The following CUBN variants were observed in gnomAD, a reference collection of about 807,000 sequenced individuals.
CUBN encodes the protein cubilin.
Under a neutral mutation model 405.3 loss-of-function variants are expected in CUBN, and 282 were observed. That is an observed-to-expected ratio of 0.70 (90% confidence interval 0.63 to 0.77). The LOEUF is 0.77. CUBN is among the 30% of genes least tolerant of loss of function. The pLI, the probability that CUBN is intolerant of heterozygous loss-of-function variation, is 0.00. For missense variants in CUBN, 4,514 were observed against 4,475.2 expected (o/e 1.01, Z -0.25); for synonymous variants, 1,684 against 1,617.0 (o/e 1.04, Z -0.99).
intron 12 of CUBN, 38 bp from the exon 13 acceptor site, chr10:17,103,275 C>T: frequency 1.5e-6 from 2 of 1,323,868 alleles, no homozygotes; most frequent in Non-Finnish European, 2.2e-6. Flanking sequence ...TTCAGAGGTT[C>T]CTAAAAGGAA....
At chr10:17,061,093 C>A (rs1459593146) in intron 22 of CUBN, among the ~76,000 whole-genome samples, 3 of 151,928 alleles carry the variant, frequency 2.0e-5, no homozygotes, top group East Asian at 1.9e-4. Context: ...CAAAAAAAAC[C>A]CAAAAACAAA....
intron 62 of CUBN, among the ~76,000 whole-genome samples, chr10:16,837,970 T>C (rs1052615992): frequency 1.3e-5 from 2 of 152,150 alleles, no homozygotes; most frequent in African/African-American, 4.8e-5. Context: ...TTGTCTTAGC[T>C]TCGTGAAGCC....
At chr10:16,950,615 C>T (rs549615029) in intron 33 of CUBN, among the ~76,000 whole-genome samples, 1 of 152,328 alleles carries the variant, frequency 6.6e-6, no homozygotes, top group South Asian at 2.1e-4. Context: ...AAGGGGACAA[C>T]TTCTATCCTA....
chr10:16,969,393 T>C (rs1843490048), intron 31 of CUBN, among the ~76,000 whole-genome samples: 1 of 151,824 alleles, frequency 6.6e-6, no homozygotes, highest in African/African-American at 2.4e-5. Context: ...TCTTGCTCAG[T>C]TGCCAGGCTG....
At chr10:17,081,698 A>G (rs1455161150) in intron 17 of CUBN, among the ~76,000 whole-genome samples, 3 of 152,182 alleles carry the variant, frequency 2.0e-5, no homozygotes, top group African/African-American at 4.8e-5. Flanking sequence ...ATGGATAGAG[A>G]TGATTTAAAG....
intron 59 of CUBN, among the ~76,000 whole-genome samples, chr10:16,852,315 C>T (rs534157671): frequency 2.8e-4 from 39 of 138,172 alleles, no homozygotes; most frequent in Non-Finnish European, 3.7e-4. Flanking sequence ...CTCCATCTTT[C>T]CATCCCTCCC....
intron 28 of CUBN, among the ~76,000 whole-genome samples, chr10:17,012,460 T>C (rs1479961592): frequency 3.9e-5 from 6 of 152,214 alleles, no homozygotes; most frequent in Admixed American, 3.9e-4. Context: ...CTCAGCAGTT[T>C]TGGAGAGTCA....
chr10:17,088,071 A>G, intron 15 of CUBN, 93 bp downstream of exon 15: 1 of 895,126 alleles, frequency 1.1e-6, no homozygotes, highest in Non-Finnish European at 1.8e-6. Context: ...AACTACAGCT[A>G]ATATTTTGGG....
At chr10:16,940,351 T>C in intron 36 of CUBN, 114 bp from the exon 37 acceptor site, 1 of 1,004,768 alleles carries the variant, frequency 1.0e-6, no homozygotes, top group Non-Finnish European at 1.5e-6. Context: ...TCTTTAACTT[T>C]GATCACAACA....
intron 36 of CUBN, 97 bp from the exon 37 acceptor site, chr10:16,940,334 T>C (rs930867718): frequency 3.4e-6 from 4 of 1,179,734 alleles, no homozygotes; most frequent in South Asian, 1.2e-5. Flanking sequence ...TTCACTTTTT[T>C]AAACTTTCTT....
intron 31 of CUBN, among the ~76,000 whole-genome samples, chr10:16,965,396 G>C (rs1843360678): frequency 6.6e-6 from 1 of 152,174 alleles, no homozygotes; most frequent in African/African-American, 2.4e-5. Flanking sequence ...AAGACCACGT[G>C]ATTGACGTGG....
At chr10:16,988,606 A>T (rs917065528) in intron 29 of CUBN, among the ~76,000 whole-genome samples, 14 of 152,330 alleles carry the variant, frequency 9.2e-5, no homozygotes, top group East Asian at 1.9e-4. Context: ...ACTAAAAGTG[A>T]TGAATTACTA....
At chr10:17,047,763 G>A (rs572914439) in intron 22 of CUBN, among the ~76,000 whole-genome samples, 160 bp from the exon 23 acceptor site, 38 of 152,166 alleles carry the variant, frequency 2.5e-4, no homozygotes, top group Admixed American at 9.1e-4. Flanking sequence ...CAAAGTTTTT[G>A]TAATCTTAAA....
intron 29 of CUBN, 116 bp from the exon 30 acceptor site, chr10:16,984,395 A>C (rs1392517650): frequency 4.0e-6 from 4 of 1,009,110 alleles, no homozygotes; most frequent in Non-Finnish European, 6.1e-6. Flanking sequence ...AGAGATTGAA[A>C]TCTCAGCCTC....
intron 7 of CUBN, 103 bp downstream of exon 7, chr10:17,115,368 C>T (rs748690448): frequency 2.7e-6 from 4 of 1,465,296 alleles, no homozygotes; most frequent in Non-Finnish European, 3.8e-6. Flanking sequence ...GTGACTTCAC[C>T]TCTGTAAGCT....
In CUBN at chr10:16,939,032, G is replaced by A. The variant is rs757142378; in HGVS notation, c.5664C>T (p.His1888=). 29 of 1,613,608 alleles carry A rather than the reference G, an allele frequency of 1.8e-5. No individual in the cohort carries two copies. The highest frequency in any genetic ancestry group is 5.5e-5 in the South Asian group (5 of 91,078). The change falls in exon 38 of 67, where the codon CAC becomes CAT. Residue 1888 remains histidine, a synonymous_variant. Coordinates refer to ENST00000377833, the MANE Select transcript of CUBN (RefSeq NM_001081.4). The stretch of plus-strand genomic sequence containing the variant: ...TCTCCAAGATTCTACCATGGACAAC[G>A]TGAGATGCATTCACATTTACTGTCC... The part of the protein sequence containing the change: ...YQWTVNVNAS[H]VVHGRILEMD...
At chr10:17,009,523 G>T (rs896533008) in intron 28 of CUBN, among the ~76,000 whole-genome samples, 2 of 152,246 alleles carry the variant, frequency 1.3e-5, no homozygotes, top group African/African-American at 4.8e-5. Flanking sequence ...GTGGCCTTGG[G>T]CTAGTAAGGC....
Position 17,100,095 on chromosome 10 carries a change from T to G in CUBN, c.1675A>C (p.Ser559Arg). 6.2e-7 allele frequency: 1 copy of G among 1,614,032 alleles called. No individual in the cohort carries two copies. The highest frequency in any genetic ancestry group is 8.5e-7 in the Non-Finnish European group (1 of 1,179,910). Residue 559 changes from serine (S) to arginine (R), a missense_variant, in exon 14 of 67, where the codon AGC (serine) becomes CGC (arginine). Physicochemically the swap from Ser to Arg is moderately radical, Grantham distance 110. This residue lies in a region of CUBN where 1,448 missense variants were observed against 1,388.0 expected (regional missense o/e 1.04). Coordinates refer to ENST00000377833, the MANE Select transcript of CUBN (RefSeq NM_001081.4). ...TGAAAATAGAGAGCATTGTCACTGC[T>G]GAGGAGTTCATGAGGGAGGCTGGAG... is the stretch of plus-strand genomic sequence containing the variant. The part of the protein sequence containing the change: ...CGSSLPHELL[S>R]SDNALYFHLY...
At chr10:16,956,492 A>G (rs1445264289) in intron 31 of CUBN, among the ~76,000 whole-genome samples, 1 of 151,974 alleles carries the variant, frequency 6.6e-6, no homozygotes, top group South Asian at 2.1e-4. Context: ...CAGTAGACAA[A>G]ATGACATTTA....
Sources: allele counts gnomAD v4.1 joint callset (sites outside exome capture counted in the v4.1 genomes callset), GRCh38; gene constraint gnomAD v4.1.1; regional missense constraint gnomAD v4.1.1; transcripts MANE v1.5; gene names NCBI Gene and HGNC (gene_info 2026-07-23, HGNC 2026-07-21).